The following OR2H2 variants were observed in gnomAD, a reference collection of about 807,000 sequenced individuals.
OR2H2 encodes olfactory receptor 2H2.
For synonymous variants in OR2H2, 146 were observed against 132.4 expected (o/e 1.10, Z -0.71); for missense variants, 295 against 313.7 (o/e 0.94, Z 0.45).
Position 29,589,205 on chromosome 6 carries a change from C to T in OR2H2, c.*322C>T. On this transcript the variant is annotated 3_prime_UTR_variant, in exon 2 of 2. Coordinates refer to ENST00000641840, the MANE Select transcript of OR2H2 (RefSeq NM_007160.4). The stretch of plus-strand genomic sequence containing the variant: ...CTCCCTTGCCATATCCCCACTATTC[C>T]TTCACCTCCAATTCTAATTCCTACC... The T allele has an allele frequency of 3.1e-6, 1 of 325,040 alleles. No homozygotes were observed. Among genetic ancestry groups the T allele is most frequent in the Non-Finnish European group, 5.6e-6 (1 of 177,214 alleles). 20.1% of individuals were successfully genotyped at this position (325,040 alleles called of 1,614,324 possible).
chr6:29,589,109 AT>A lies in OR2H2; in HGVS notation c.*233del, dbSNP rs1196179447. Reference sequence around the variant, plus strand: ...ATTATAGGCATCAAGTATATTTTATATTTTTTTCTACTTTAAGTCTTCGCCT... The same window carrying A: ...ATTATAGGCATCAAGTATATTTTATATTTTTTCTACTTTAAGTCTTCGCCT... On this transcript the variant is annotated 3_prime_UTR_variant, in exon 2 of 2. Transcript: ENST00000641840. 1.1e-5 allele frequency: 6 copies of A among 534,862 alleles called. No homozygotes were observed. Among genetic ancestry groups the A allele is most frequent in the African/African-American group, 3.8e-5 (2 of 52,432 alleles). 33.1% of individuals were successfully genotyped at this position (534,862 alleles called of 1,614,324 possible).
chr6:29,586,034 A>G (rs1760229606), intron 1 of OR2H2, among the ~76,000 whole-genome samples: 1 of 152,236 alleles, frequency 6.6e-6, no homozygotes, highest in African/African-American at 2.4e-5. Context: ...GCGGCAGCCA[A>G]TGAGCATGAG....
In OR2H2 at chr6:29,588,442, C is replaced by A; in HGVS notation, c.498C>A (p.Phe166Leu). Residue 166 changes from phenylalanine (F) to leucine (L), a missense_variant, in exon 2 of 2, where the codon TTC (phenylalanine) becomes TTA (leucine). Physicochemically the swap from Phe to Leu is conservative, Grantham distance 22 (BLOSUM62 0). Coordinates refer to ENST00000641840, the MANE Select transcript of OR2H2 (RefSeq NM_007160.4). Reference protein sequence around the residue: ...VQTPSTLHLPFCPDRQVDDFV... With the variant: ...VQTPSTLHLPLCPDRQVDDFV... ...CACCATCCACCCTGCACCTGCCCTTCTGCCCCGATCGGCAGGTGGATGATT... is the reference window on the plus strand; with the variant it reads ...CACCATCCACCCTGCACCTGCCCTTATGCCCCGATCGGCAGGTGGATGATT... 7.1e-7 allele frequency: 1 copy of A among 1,413,670 alleles called. No homozygotes were observed. The highest frequency in any genetic ancestry group is 1.0e-6 in the Non-Finnish European group (1 of 997,880). 87.6% of individuals were successfully genotyped at this position (1,413,670 alleles called of 1,614,324 possible). A position where few individuals can be genotyped will look rare whatever the true frequency, so the allele number is the denominator to read the frequency against.
Position 29,587,934 on chromosome 6 carries a change from A to C in OR2H2, c.-11A>C. The C allele has an allele frequency of 1.2e-6, 1 of 835,146 alleles. No individual in the cohort carries two copies. The highest frequency in any genetic ancestry group is 2.1e-6 in the Non-Finnish European group (1 of 475,352). 51.7% of individuals were successfully genotyped at this position (835,146 alleles called of 1,614,324 possible). ...CAGCCTCATCCCTCCAGGTACAAAC[A>C]AGAACAGGCCATGGTTAACCAAAGC... On this transcript the variant is annotated 5_prime_UTR_variant, in exon 2 of 2. Transcript: ENST00000641840.
Position 29,588,394 on chromosome 6 carries a change from G to T in OR2H2, c.450G>T (p.Gly150=), listed in dbSNP as rs764955478. The T allele has an allele frequency of 1.9e-6, 3 of 1,606,034 alleles. No homozygotes were observed. Among genetic ancestry groups the T allele is most frequent in the Non-Finnish European group, 2.6e-6 (3 of 1,173,636 alleles). Residue 150 remains glycine (G), a synonymous_variant, in exon 2 of 2, where the codon GGG becomes GGT. Coordinates refer to ENST00000641840, the MANE Select transcript of OR2H2 (RefSeq NM_007160.4). The part of the protein sequence containing the change: ...WQLASVAWVI[G]LVESVVQTPS... ...TGGCATCTGTGGCCTGGGTCATTGG[G>T]CTAGTGGAGTCAGTGGTCCAGACAC... is the stretch of plus-strand genomic sequence containing the variant.
At position 29,587,927 on chromosome 6, in the gene OR2H2, T is replaced by C. The variant is rs572374688; in HGVS notation, c.-18T>C. 162 of 804,078 alleles carry C rather than the reference T, an allele frequency of 2.0e-4. 1 individual carries two copies. In the South Asian group the frequency reaches 2.2e-3, roughly 11 times the overall value. 49.8% of individuals were successfully genotyped at this position (804,078 alleles called of 1,614,324 possible). A position where few individuals can be genotyped will look rare whatever the true frequency, so the allele number is the denominator to read the frequency against. On this transcript the variant is annotated 5_prime_UTR_variant, in exon 2 of 2. Coordinates refer to ENST00000641840, the MANE Select transcript of OR2H2 (RefSeq NM_007160.4). ...GGAGTGACAGCCTCATCCCTCCAGG[T>C]ACAAACAAGAACAGGCCATGGTTAA...
Position 29,587,687 on chromosome 6 carries a change from T to C in OR2H2, c.-258T>C. 1 of 446,126 alleles carries C rather than the reference T, an allele frequency of 2.2e-6. No individual in the cohort carries two copies. Among genetic ancestry groups the C allele is most frequent in the Non-Finnish European group, 3.9e-6 (1 of 253,392 alleles). 27.6% of individuals were successfully genotyped at this position (446,126 alleles called of 1,614,324 possible). ...TCACCCAGGAAGTCAGAGGCACCAGTGTGAGTATCCATCTGCTGTCCAGTA... is the reference window on the plus strand; with the variant it reads ...TCACCCAGGAAGTCAGAGGCACCAGCGTGAGTATCCATCTGCTGTCCAGTA... On this transcript the variant is annotated 5_prime_UTR_variant, in exon 2 of 2. Transcript: ENST00000641840.
Position 29,585,860 on chromosome 6 carries a change from C to A in OR2H2, c.-276+510C>A, listed in dbSNP as rs192681677. ...AAAGGTGTAATCTAAAGAGATTCAG[C>A]GATATAGCAGAGAAAGGAAAGGAAT... On this transcript the variant is annotated intron_variant, in intron 1 of 1. Transcript: ENST00000641840. 3.2e-4 allele frequency among the ~76,000 whole-genome samples: 49 copies of A among 151,762 alleles called. No individual in the cohort carries two copies. The East Asian group carries it at 3.7e-3, about 11-fold the overall frequency.
rs1345497958 is a variant in OR2H2 at position 29,588,145 on chromosome 6, G to A, written c.201G>A (p.Leu67=). Residue 67 remains leucine (L), a synonymous_variant, in exon 2 of 2, where the codon TTG becomes TTA. Coordinates refer to ENST00000641840, the MANE Select transcript of OR2H2 (RefSeq NM_007160.4). The part of the protein sequence containing the change: ...MYFFLSNLSF[L]DLCFTTSCVP... ...TTTTCCTCTCCAACCTCTCCTTCTT[G>A]GACCTCTGTTTCACCACGAGTTGTG... The A allele has an allele frequency of 8.5e-7, 1 of 1,182,990 alleles. No homozygotes were observed. The highest frequency in any genetic ancestry group is 1.5e-5 in the African/African-American group (1 of 66,964). The allele number at this position is 1,182,990 out of a possible 1,614,324, so 73.3% of individuals were successfully genotyped here.
intron 1 of OR2H2, among the ~76,000 whole-genome samples, chr6:29,587,290 T>A (rs1049606920): frequency 6.6e-6 from 1 of 152,180 alleles, no homozygotes; most frequent in Non-Finnish European, 1.5e-5. Context: ...TGAAAGTCAG[T>A]TGGTTCAGAA....
At chr6:29,586,504 A>G (rs1042414223) in intron 1 of OR2H2, among the ~76,000 whole-genome samples, 61 of 151,826 alleles carry the variant, frequency 4.0e-4, no homozygotes, top group African/African-American at 1.4e-3. Context: ...AAAAAAAAAA[A>G]AAAAATTAGA....
chr6:29,588,480 T>G lies in OR2H2; in HGVS notation c.536T>G (p.Val179Gly). 2 of 1,133,044 alleles carry G rather than the reference T, an allele frequency of 1.8e-6. No homozygotes were observed. The highest frequency in any genetic ancestry group is 2.7e-6 in the Non-Finnish European group (2 of 741,226). The allele number at this position is 1,133,044 out of a possible 1,614,324, so 70.2% of individuals were successfully genotyped here. The stretch of plus-strand genomic sequence containing the variant: ...CAGGTGGATGATTTTGTCTGTGAGG[T>G]CCCAGCTCTAATTCGACTCTCCTGT... ...DRQVDDFVCEVPALIRLSCED... is the reference protein window; with the variant it reads ...DRQVDDFVCEGPALIRLSCED... The change falls in exon 2 of 2, where the codon GTC becomes GGC. Residue 179 changes from valine (V) to glycine (G), a missense_variant. Coordinates refer to ENST00000641840, the MANE Select transcript of OR2H2 (RefSeq NM_007160.4).
chr6:29,587,165 C>A (rs534559355), intron 1 of OR2H2, among the ~76,000 whole-genome samples: 2 of 152,124 alleles, frequency 1.3e-5, no homozygotes, highest in Non-Finnish European at 2.9e-5. Context: ...TGGAGTCTTT[C>A]GATAATGTTC....
chr6:29,586,185 C>T lies in OR2H2; in HGVS notation c.-276+835C>T, dbSNP rs114555703. Among the ~76,000 whole-genome samples the T allele has an allele frequency of 8.9e-3, 1,358 of 152,138 alleles. 25 individuals are homozygous for T. The highest frequency in any genetic ancestry group is 0.06 in the South Asian group (287 of 4,818). ...TTAAATACATCTCAAAAAATGAAAG[C>T]GAAGGCATAATTAAAAATTTAGAGG... is the stretch of plus-strand genomic sequence containing the variant. On this transcript the variant is annotated intron_variant, in intron 1 of 1. Transcript: ENST00000641840.
rs185784683 is a variant in OR2H2 at position 29,590,322 on chromosome 6, G to A, written c.*1439G>A. ...AACCTTGCCTTTTGGTAAAAATAAT[G>A]CCTCCCAGGCCCAGGTGAAAAGCTT... On this transcript the variant is annotated 3_prime_UTR_variant, in exon 2 of 2. Coordinates refer to ENST00000641840, the MANE Select transcript of OR2H2 (RefSeq NM_007160.4). The A allele has an allele frequency of 6.6e-6, 1 of 152,144 alleles. No individual in the cohort carries two copies. Among genetic ancestry groups the A allele is most frequent in the Non-Finnish European group, 1.5e-5 (1 of 68,024 alleles). The allele number at this position is 152,144 out of a possible 1,614,324, so 9.4% of individuals were successfully genotyped here. A position where few individuals can be genotyped will look rare whatever the true frequency, so the allele number is the denominator to read the frequency against.
intron 1 of OR2H2, 95 bp from the exon 2 acceptor site, chr6:29,587,575 C>T (rs116088866): frequency 9.3e-4 from 205 of 219,552 alleles, no homozygotes; most frequent in African/African-American, 4.2e-3. Flanking sequence ...TCTAGAACAG[C>T]ATTCAGAACA....
At position 29,588,850 on chromosome 6, in the gene OR2H2, G is replaced by T. The variant is rs1760486770; in HGVS notation, c.906G>T (p.Leu302Phe). The T allele has an allele frequency of 1.2e-6, 1 of 823,986 alleles. No individual in the cohort carries two copies. Among genetic ancestry groups the T allele is most frequent in the Non-Finnish European group, 2.2e-6 (1 of 458,380 alleles). The allele number at this position is 823,986 out of a possible 1,614,324, so 51.0% of individuals were successfully genotyped here. A position where few individuals can be genotyped will look rare whatever the true frequency, so the allele number is the denominator to read the frequency against. Residue 302 changes from leucine (L) to phenylalanine (F), a missense_variant, in exon 2 of 2, where the codon TTG (leucine) becomes TTT (phenylalanine). Physicochemically the swap from Leu to Phe is conservative, Grantham distance 22. Coordinates refer to ENST00000641840, the MANE Select transcript of OR2H2 (RefSeq NM_007160.4). ...NKEVTRAFRR[L>F]LGKEMGLTQS ...AGGTAACCAGGGCATTCAGGAGATT[G>T]CTGGGGAAGGAAATGGGGCTCACAC...
In OR2H2 at chr6:29,588,580, C is replaced by T. The variant is rs752919216; in HGVS notation, c.636C>T (p.Ile212=). 6.7e-6 allele frequency: 7 copies of T among 1,047,988 alleles called. No individual in the cohort carries two copies. The highest frequency in any genetic ancestry group is 9.0e-6 in the Non-Finnish European group (6 of 663,706). 64.9% of individuals were successfully genotyped at this position (1,047,988 alleles called of 1,614,324 possible). A position where few individuals can be genotyped will look rare whatever the true frequency, so the allele number is the denominator to read the frequency against. The part of the protein sequence containing the change: ...VFILVVPLSL[I]LVSYGAITWA... ...TCTTGGTTGTGCCTCTCAGCCTCAT[C>T]CTTGTCTCTTACGGAGCCATTACCT... The change falls in exon 2 of 2, where the codon ATC becomes ATT. Residue 212 remains isoleucine (I), a synonymous_variant. Transcript: ENST00000641840.
chr6:29,588,118 CT>C lies in OR2H2; in HGVS notation c.179del (p.Phe60SerfsTer54), dbSNP rs1760405676. On this transcript the variant is annotated frameshift_variant, in exon 2 of 2. Coordinates refer to ENST00000641840, the MANE Select transcript of OR2H2 (RefSeq NM_007160.4). LOFTEE classifies it low-confidence loss of function (END_TRUNC). ...ACCCCAAGCTCCACTCTCCAATGTACTTTTTCCTCTCCAACCTCTCCTTCTT... is the reference window on the plus strand; with the variant it reads ...ACCCCAAGCTCCACTCTCCAATGTACTTTTCCTCTCCAACCTCTCCTTCTT... ...LDPKLHSPMY[F>X]FLSNLSFLDL... 1.9e-6 allele frequency: 2 copies of C among 1,051,900 alleles called. No individual in the cohort carries two copies. Among genetic ancestry groups the C allele is most frequent in the Non-Finnish European group, 1.5e-6 (1 of 666,186 alleles). The allele number at this position is 1,051,900 out of a possible 1,614,324, so 65.2% of individuals were successfully genotyped here. A position where few individuals can be genotyped will look rare whatever the true frequency, so the allele number is the denominator to read the frequency against.
Sources: allele counts gnomAD v4.1 joint callset (sites outside exome capture counted in the v4.1 genomes callset), GRCh38; gene constraint gnomAD v4.1.1; transcripts MANE v1.5; gene names NCBI Gene and HGNC (gene_info 2026-07-23, HGNC 2026-07-21).